PCOLCE2: variants seen among roughly 807,000 people sequenced by gnomAD.
The protein encoded by PCOLCE2 is procollagen C-endopeptidase enhancer 2.
PCOLCE2 carries 42 observed loss-of-function variants against 47.0 expected under a neutral mutation model. The ratio of observed to expected loss-of-function variants is 0.89; its 90% CI spans 0.70 to 1.16. The LOEUF is 1.16. PCOLCE2 is among the 50% of genes most tolerant of loss of function. PCOLCE2 has a pLI of 0.00. For synonymous variants in PCOLCE2, 169 were observed against 191.7 expected (o/e 0.88, Z 0.98); for missense variants, 500 against 526.1 (o/e 0.95, Z 0.49).
At position 142,819,610 on chromosome 3, in the gene PCOLCE2, T is replaced by C. The variant is rs548277414; in HGVS notation, c.1118-1145A>G. Among the ~76,000 whole-genome samples the C allele has an allele frequency of 1.1e-4, 17 of 152,344 alleles. No homozygotes were observed. In the East Asian group the frequency reaches 2.9e-3, roughly 26 times the overall value. ...GAGGCTACTAGCCTCCTGACTTTTC[T>C]GAACAATCTGAATTCACAGTAAAGC... On this transcript the variant is annotated intron_variant, in intron 8 of 8. Coordinates refer to ENST00000295992, the MANE Select transcript of PCOLCE2 (RefSeq NM_013363.4).
chr3:142,827,703 C>T (rs760287171), intron 6 of PCOLCE2: 38 of 1,026,544 alleles, frequency 3.7e-5, no homozygotes, highest in Middle Eastern at 4.6e-4. Flanking sequence ...GGGAGGGGCG[C>T]GCTGTGACCC....
chr3:142,828,063 G>A (rs750159422), intron 6 of PCOLCE2, among the ~76,000 whole-genome samples: 4 of 152,328 alleles, frequency 2.6e-5, no homozygotes, highest in South Asian at 4.1e-4. Context: ...GGACCAGCAC[G>A]AGACTCTGGT....
Position 142,865,909 on chromosome 3 carries a change from G to C in PCOLCE2, c.193-17437C>G, listed in dbSNP as rs1484500923. On this transcript the variant is annotated intron_variant, in intron 2 of 8. Transcript: ENST00000295992. ...TGTTGTTAAGTATCACCATAATAACGATGTCTAAAAGACTCCCTGTAAGCA... is the reference window on the plus strand; with the variant it reads ...TGTTGTTAAGTATCACCATAATAACCATGTCTAAAAGACTCCCTGTAAGCA... Among the ~76,000 whole-genome samples the C allele has an allele frequency of 2.0e-5, 3 of 152,070 alleles. No homozygotes were observed. In the South Asian group the frequency reaches 6.2e-4, roughly 32 times the overall value.
chr3:142,887,274 C>A, intron 2 of PCOLCE2: 1 of 158,788 alleles, frequency 6.3e-6, no homozygotes, highest in Admixed American at 6.4e-5. Flanking sequence ...GTAGTCAAAG[C>A]ACTATCTTTG....
At chr3:142,823,490 A>G (rs1191859674) in intron 7 of PCOLCE2, 42 bp downstream of exon 7, 1 of 1,185,502 alleles carries the variant, frequency 8.4e-7, no homozygotes. Flanking sequence ...TGCAGCCTCA[A>G]GTTTCTGGTT....
intron 2 of PCOLCE2, among the ~76,000 whole-genome samples, chr3:142,879,783 C>T (rs1462792869): frequency 6.6e-6 from 1 of 151,788 alleles, no homozygotes; most frequent in Non-Finnish European, 1.5e-5. Context: ...TCCTGGCTAA[C>T]ACGGTGAAAC....
At chr3:142,858,077 C>G (rs1400774394) in intron 2 of PCOLCE2, among the ~76,000 whole-genome samples, 1 of 152,212 alleles carries the variant, frequency 6.6e-6, no homozygotes, top group Non-Finnish European at 1.5e-5. Flanking sequence ...AATACACCTT[C>G]TCGAGGAACT....
At chr3:142,825,696 G>A (rs1010506820) in intron 6 of PCOLCE2, among the ~76,000 whole-genome samples, 4 of 151,932 alleles carry the variant, frequency 2.6e-5, no homozygotes, top group African/African-American at 7.3e-5. Context: ...TTCCCAACCC[G>A]TCAGCCCTGG....
At chr3:142,877,047 G>A (rs1048018412) in intron 2 of PCOLCE2, among the ~76,000 whole-genome samples, 3 of 152,114 alleles carry the variant, frequency 2.0e-5, no homozygotes, top group African/African-American at 7.2e-5. Context: ...TCTCTATTAG[G>A]AATAAATGAA....
intron 2 of PCOLCE2, among the ~76,000 whole-genome samples, chr3:142,881,741 G>T (rs1013189353): frequency 6.6e-6 from 1 of 152,152 alleles, no homozygotes; most frequent in African/African-American, 2.4e-5. Flanking sequence ...CATATATGTG[G>T]TAGTCATTGA....
intron 2 of PCOLCE2, among the ~76,000 whole-genome samples, chr3:142,857,455 G>A (rs981959877): frequency 1.3e-5 from 2 of 152,072 alleles, no homozygotes; most frequent in African/African-American, 2.4e-5. Flanking sequence ...ACAAGACCAC[G>A]GCAAAAGATG....
At position 142,819,980 on chromosome 3, in the gene PCOLCE2, G is replaced by C. The variant is rs138573324; in HGVS notation, c.1117+898C>G. Reference sequence around the variant, plus strand: ...TCTCTCTTTCTCTCTCTCTCTCTCTGTGTGTATGTGTGGAAAGATGTTAGA... The same window carrying C: ...TCTCTCTTTCTCTCTCTCTCTCTCTCTGTGTATGTGTGGAAAGATGTTAGA... On this transcript the variant is annotated intron_variant, in intron 8 of 8. Transcript: ENST00000295992. Among the ~76,000 whole-genome samples the C allele has an allele frequency of 1.4e-3, 205 of 151,110 alleles. 2 individuals are homozygous for C. Among genetic ancestry groups the C allele is most frequent in the East Asian group, 5.1e-3 (26 of 5,118 alleles).
At chr3:142,864,938 T>C (rs151168062) in intron 2 of PCOLCE2, among the ~76,000 whole-genome samples, 2 of 152,364 alleles carry the variant, frequency 1.3e-5, no homozygotes, top group East Asian at 3.9e-4. Flanking sequence ...CTTTTGGCTA[T>C]TATTAACAAT....
intron 7 of PCOLCE2, among the ~76,000 whole-genome samples, chr3:142,822,148 C>T (rs1243642294): frequency 6.6e-6 from 1 of 152,058 alleles, no homozygotes; most frequent in Non-Finnish European, 1.5e-5. Flanking sequence ...AACTCCCAAC[C>T]TCAGGTGATC....
intron 2 of PCOLCE2, among the ~76,000 whole-genome samples, chr3:142,873,770 T>G (rs868447917): frequency 7.9e-5 from 12 of 152,308 alleles, no homozygotes; most frequent in Admixed American, 5.2e-4. Flanking sequence ...GACTGACTGA[T>G]AGTCACTCAA....
chr3:142,888,454 A>C lies in PCOLCE2; in HGVS notation c.83+360T>G, dbSNP rs78322908. Among the ~76,000 whole-genome samples, 631 of 152,334 alleles carry C rather than the reference A, an allele frequency of 4.1e-3. 28 individuals are homozygous for C. The East Asian group carries it at 0.092, about 22-fold the overall frequency. The stretch of plus-strand genomic sequence containing the variant: ...AAAGCCTCTCGGGGAAGGAAAAAAA[A>C]CAGCGGTAAACCAAAATCCACATAT... On this transcript the variant is annotated intron_variant, in intron 1 of 8. Transcript: ENST00000295992.
intron 6 of PCOLCE2, among the ~76,000 whole-genome samples, chr3:142,826,512 T>G (rs1202892627): frequency 6.6e-6 from 1 of 152,208 alleles, no homozygotes; most frequent in Non-Finnish European, 1.5e-5. Context: ...CTTCTCAGTT[T>G]ATTCCTTCTG....
chr3:142,827,122 T>C (rs1937088751), intron 6 of PCOLCE2: 2 of 1,448,756 alleles, frequency 1.4e-6, no homozygotes, highest in South Asian at 1.1e-5. Flanking sequence ...TGCACAGTCT[T>C]GGTTCCCCAG....
At chr3:142,857,117 G>A (rs973382959) in intron 2 of PCOLCE2, among the ~76,000 whole-genome samples, 2 of 152,152 alleles carry the variant, frequency 1.3e-5, no homozygotes, top group African/African-American at 4.8e-5. Context: ...ACTTTCCCAT[G>A]CTTCCTACTG....
Sources: gnomAD v4.1 joint callset for allele counts (sites outside exome capture counted in the v4.1 genomes callset) on GRCh38, gnomAD v4.1.1 for gene constraint, MANE v1.5 for transcripts, NCBI Gene and HGNC (gene_info 2026-07-23, HGNC 2026-07-21) for gene names.